Variants in XIRP2 observed in about 807,000 individuals in gnomAD.
The protein encoded by XIRP2 is xin actin-binding repeat-containing protein 2.
In XIRP2, 236 loss-of-function variants were observed where a neutral mutation model predicts 277.0. The observed-to-expected ratio is 0.85, with a 90% CI of 0.77 to 0.95. The LOEUF is 0.95. Among genes scored for constraint, XIRP2 ranks in the 40% least tolerant of loss-of-function variants. The pLI, the probability that XIRP2 is intolerant of heterozygous loss-of-function variation, is 0.00. For synonymous variants in XIRP2, 1,490 were observed against 1,416.5 expected, an observed-to-expected ratio of 1.05 and a Z score of -1.17; for missense variants, 4,640 against 4,157.5, an observed-to-expected ratio of 1.12 and a Z score of -3.19.
Position 167,251,681 on chromosome 2 carries a change from T to A in XIRP2, c.10289T>A (p.Val3430Asp). The A allele has an allele frequency of 6.2e-7, 1 of 1,613,432 alleles. No homozygotes were observed. Among genetic ancestry groups the A allele is most frequent in the Non-Finnish European group, 8.5e-7 (1 of 1,179,618 alleles). Residue 3430 changes from valine to aspartate, a missense_variant, in exon 9 of 11, where the codon GTT (valine) becomes GAT (aspartate). Val to Asp is a radical substitution (Grantham distance 152, BLOSUM62 -3). Transcript: ENST00000409195. ...SGMDAFESQI[V>D]ESKMKTSSSH... ...ATGGATGCATTTGAGAGTCAAATTG[T>A]TGAGTCGAAGATGAAAACCTCTTCA... is the stretch of plus-strand genomic sequence containing the variant.
chr2:166,988,245 TAAG>T (rs1687066436), intron 2 of XIRP2, among the ~76,000 whole-genome samples: 1 of 152,138 alleles, frequency 6.6e-6, no homozygotes, highest in South Asian at 2.1e-4. Flanking sequence ...CTCAATGTAT[TAAG>T]AAGAAAACCG....
At chr2:167,201,015 A>G (rs1693669877) in intron 3 of XIRP2, among the ~76,000 whole-genome samples, 1 of 151,822 alleles carries the variant, frequency 6.6e-6, no homozygotes, top group Non-Finnish European at 1.5e-5. Flanking sequence ...AATCCCAGCT[A>G]CTAGGGAGGC....
At chr2:167,148,979 A>C (rs958079768) in intron 3 of XIRP2, among the ~76,000 whole-genome samples, 1 of 152,134 alleles carries the variant, frequency 6.6e-6, no homozygotes, top group South Asian at 2.1e-4. Context: ...TCAGGATACT[A>C]GGCCCTGGGC....
In XIRP2 at chr2:167,247,846, AT is replaced by A; in HGVS notation, c.6455del (p.Ile2152AsnfsTer2). 6.2e-7 allele frequency: 1 copy of A among 1,613,566 alleles called. No homozygotes were observed. The highest frequency in any genetic ancestry group is 8.5e-7 in the Non-Finnish European group (1 of 1,179,726). On this transcript the variant is annotated frameshift_variant, in exon 9 of 11. Coordinates refer to ENST00000409195, the MANE Select transcript of XIRP2 (RefSeq NM_152381.6). LOFTEE classifies it high-confidence loss of function. ...KSPKKTKNIK[I>X]LTDTQSSKPS... ...TCCTAAAAAGACCAAAAATATTAAA[AT>A]ATTAACTGATACACAAAGCTCCAAG...
intron 2 of XIRP2, among the ~76,000 whole-genome samples, chr2:167,075,984 T>C (rs966490162): frequency 2.0e-5 from 3 of 152,088 alleles, no homozygotes; most frequent in Admixed American, 2.0e-4. Flanking sequence ...CCAAGACTTG[T>C]CTTTCAACAA....
intron 2 of XIRP2, among the ~76,000 whole-genome samples, chr2:166,912,920 G>A (rs561323011): frequency 6.6e-6 from 1 of 152,306 alleles, no homozygotes; most frequent in East Asian, 1.9e-4. Context: ...AGAACAGTGA[G>A]TATTGCTGAA....
chr2:167,083,412 G>A (rs1188102274), intron 2 of XIRP2, among the ~76,000 whole-genome samples: 3 of 152,200 alleles, frequency 2.0e-5, no homozygotes, highest in African/African-American at 4.8e-5. Context: ...GCTTAGGATT[G>A]CCTTGGCGAT....
intron 3 of XIRP2, chr2:167,187,599 T>C (rs933598740): frequency 7.3e-6 from 7 of 954,830 alleles, no homozygotes; most frequent in African/African-American, 1.8e-5. Flanking sequence ...ACTGGTTACT[T>C]AAGGTCAATG....
intron 1 of XIRP2, among the ~76,000 whole-genome samples, chr2:166,902,067 G>A (rs559606260): frequency 6.6e-6 from 1 of 152,184 alleles, no homozygotes; most frequent in African/African-American, 2.4e-5. Context: ...AAGCCATGAT[G>A]TATATTTTAC....
intron 2 of XIRP2, among the ~76,000 whole-genome samples, chr2:166,962,349 G>T (rs377379993): frequency 6.6e-6 from 1 of 151,502 alleles, no homozygotes; most frequent in Non-Finnish European, 1.5e-5. Flanking sequence ...CACAAAAACC[G>T]TGCATATGAT....
intron 2 of XIRP2, among the ~76,000 whole-genome samples, chr2:167,009,856 A>G (rs1279259244): frequency 1.3e-5 from 2 of 152,124 alleles, no homozygotes; most frequent in Non-Finnish European, 2.9e-5. Flanking sequence ...GGCTGCATAA[A>G]TGTCTTCTTT....
intron 5 of XIRP2, among the ~76,000 whole-genome samples, chr2:167,226,096 G>A (rs1333407046): frequency 6.6e-6 from 1 of 152,140 alleles, no homozygotes; most frequent in Non-Finnish European, 1.5e-5. Context: ...CAGCAAATCA[G>A]CTTTGCTCTA....
At chr2:167,105,871 G>A (rs1690604133) in intron 2 of XIRP2, among the ~76,000 whole-genome samples, 1 of 151,678 alleles carries the variant, frequency 6.6e-6, no homozygotes, top group African/African-American at 2.4e-5. Flanking sequence ...TGTAATATCT[G>A]ATTAGGTTTT....
chr2:167,157,639 A>G (rs1017566762), intron 3 of XIRP2, among the ~76,000 whole-genome samples: 2 of 152,196 alleles, frequency 1.3e-5, no homozygotes, highest in African/African-American at 2.4e-5. Context: ...TAGCAAAAGT[A>G]TGAGGAATCC....
intron 2 of XIRP2, among the ~76,000 whole-genome samples, chr2:167,059,337 C>T (rs181418281): frequency 0.022 from 3,305 of 151,000 alleles, 94 homozygotes; most frequent in African/African-American, 0.055. Flanking sequence ...AGGCTGGTCT[C>T]GAACTCCTGA....
intron 3 of XIRP2, among the ~76,000 whole-genome samples, chr2:167,175,256 T>C (rs773128663): frequency 6.6e-6 from 1 of 152,170 alleles, no homozygotes; most frequent in Non-Finnish European, 1.5e-5. Flanking sequence ...TGCTCCTGTA[T>C]TGGGTGCATG....
rs1695378565 is a variant in XIRP2 at position 167,248,967 on chromosome 2, A to G, written c.7575A>G (p.Pro2525=). ...IAPLIKSHSF[P]ESSGQQNPKP... is the part of the protein sequence containing the mutation. ...CTCTTATAAAATCTCATTCATTTCC[A>G]GAGAGTTCAGGACAACAAAATCCAA... Residue 2525 remains proline, a synonymous_variant, in exon 9 of 11, where the codon CCA becomes CCG. Transcript: ENST00000409195. 1 of 1,613,818 alleles carries G rather than the reference A, an allele frequency of 6.2e-7. No individual in the cohort carries two copies. Among genetic ancestry groups the G allele is most frequent in the Non-Finnish European group, 8.5e-7 (1 of 1,179,818 alleles).
intron 2 of XIRP2, among the ~76,000 whole-genome samples, chr2:167,012,457 T>G (rs1005202102): frequency 2.0e-5 from 3 of 151,696 alleles, no homozygotes; most frequent in Non-Finnish European, 4.4e-5. Context: ...ATAATACACC[T>G]AAAAAGAAAT....
intron 2 of XIRP2, among the ~76,000 whole-genome samples, chr2:167,064,694 CA>C (rs1689259075): frequency 1.3e-5 from 2 of 151,822 alleles, no homozygotes; most frequent in African/African-American, 4.8e-5. Flanking sequence ...TGACAACCAC[CA>C]ATCTACTTCC....
Sources: gnomAD v4.1 joint callset for allele counts (sites outside exome capture counted in the v4.1 genomes callset) on GRCh38, gnomAD v4.1.1 for gene constraint, MANE v1.5 for transcripts, NCBI Gene and HGNC (gene_info 2026-07-23, HGNC 2026-07-21) for gene names.